Variants in FSTL5 observed in about 807,000 individuals in gnomAD.
FSTL5 encodes follistatin-related protein 5.
In FSTL5, 62 loss-of-function variants were observed where a neutral mutation model predicts 89.1. That is an observed-to-expected ratio of 0.70 (90% CI 0.57 to 0.86). The LOEUF (loss-of-function observed/expected upper bound fraction) is 0.86. Ranked by LOEUF, FSTL5 falls within the 40% of genes least tolerant of loss-of-function variation. FSTL5 has a pLI of 0.00. For missense variants in FSTL5, 1,057 were observed against 1,001.6 expected, an observed-to-expected ratio of 1.06 and a Z score of -0.75; for synonymous variants, 383 against 346.2, an observed-to-expected ratio of 1.11 and a Z score of -1.18.
At chr4:161,711,593 C>A (rs938155373) in intron 6 of FSTL5, among the ~76,000 whole-genome samples, 1 of 151,962 alleles carries the variant, frequency 6.6e-6, no homozygotes, top group Admixed American at 6.6e-5. Flanking sequence ...AGAATTAACA[C>A]CAATTCTTTA....
rs548646548 is a variant in FSTL5 at position 161,871,808 on chromosome 4, A to C, written c.409+48596T>G. Among the ~76,000 whole-genome samples the C allele has an allele frequency of 1.1e-4, 16 of 152,212 alleles. No individual in the cohort carries two copies. The South Asian group carries it at 2.9e-3, about 28-fold the overall frequency. ...AGCTCCTGCATCTATTAACTGTGTG[A>C]CTTTGGGCAGGGAATAAATTTTACC... On this transcript the variant is annotated intron_variant, in intron 4 of 15. Transcript: ENST00000306100.
At chr4:161,761,872 A>T (rs775744649) in intron 5 of FSTL5, among the ~76,000 whole-genome samples, 9 of 152,136 alleles carry the variant, frequency 5.9e-5, no homozygotes, top group Non-Finnish European at 1.3e-4. Context: ...TTGCTCTTTT[A>T]TCTCATTTAA....
chr4:162,126,290 C>T (rs1396615009), intron 1 of FSTL5, among the ~76,000 whole-genome samples: 1 of 151,796 alleles, frequency 6.6e-6, no homozygotes, highest in East Asian at 1.9e-4. Flanking sequence ...TTTGACTAGC[C>T]CTTAATATTA....
chr4:162,132,189 G>A (rs1437913059), intron 1 of FSTL5, among the ~76,000 whole-genome samples: 1 of 152,166 alleles, frequency 6.6e-6, no homozygotes, highest in Non-Finnish European at 1.5e-5. Context: ...AAGTTTAGGT[G>A]TTCTCTACTT....
intron 7 of FSTL5, among the ~76,000 whole-genome samples, chr4:161,647,918 G>T (rs928019554): frequency 1.3e-5 from 2 of 152,166 alleles, no homozygotes; most frequent in African/African-American, 4.8e-5. Flanking sequence ...GCTGGACGTC[G>T]AGAGGAACAC....
chr4:161,978,295 T>C lies in FSTL5; in HGVS notation c.160+55330A>G, dbSNP rs17041811. 9.9e-3 allele frequency among the ~76,000 whole-genome samples: 1,512 copies of C among 152,258 alleles called. 22 individuals are homozygous for C. The highest frequency in any genetic ancestry group is 0.034 in the African/African-American group (1,413 of 41,550). On this transcript the variant is annotated intron_variant, in intron 3 of 15. Transcript: ENST00000306100. ...ACTAATTGATTATAAGGTATTGATG[T>C]TTTCTAAAATGTTAAAATAACTTCA...
At chr4:161,536,393 G>A (rs1407593905) in intron 10 of FSTL5, among the ~76,000 whole-genome samples, 1 of 151,924 alleles carries the variant, frequency 6.6e-6, no homozygotes, top group Non-Finnish European at 1.5e-5. Context: ...GTTACAAAAG[G>A]CAGTAATTTT....
At chr4:161,411,556 A>C (rs1202780109) in intron 15 of FSTL5, among the ~76,000 whole-genome samples, 1 of 152,188 alleles carries the variant, frequency 6.6e-6, no homozygotes. Flanking sequence ...TAAGTGATAT[A>C]CTGCATAAAC....
At chr4:161,579,693 G>A (rs1323259292) in intron 8 of FSTL5, among the ~76,000 whole-genome samples, 18 of 148,744 alleles carry the variant, frequency 1.2e-4, no homozygotes, top group African/African-American at 4.2e-4. Context: ...CTCCAGCCTG[G>A]GCGATGGCGC....
chr4:161,564,503 TTTAA>T (rs1271600523), intron 8 of FSTL5, among the ~76,000 whole-genome samples: 63 of 148,354 alleles, frequency 4.2e-4, no homozygotes, highest in South Asian at 1.7e-3. Flanking sequence ...ATATAATTTA[TTTAA>T]TTAACTCATA....
intron 4 of FSTL5, among the ~76,000 whole-genome samples, chr4:161,901,079 A>C (rs1186760830): frequency 2.0e-5 from 3 of 151,892 alleles, no homozygotes; most frequent in African/African-American, 2.4e-5. Context: ...TTGTTTATTC[A>C]CTCATACATC....
chr4:161,906,308 T>A (rs1733526106), intron 4 of FSTL5, among the ~76,000 whole-genome samples: 1 of 152,094 alleles, frequency 6.6e-6, no homozygotes, highest in South Asian at 2.1e-4. Context: ...ACGGCACCAT[T>A]GGAATGACCA....
chr4:161,447,704 A>G (rs1732994286), intron 15 of FSTL5, among the ~76,000 whole-genome samples: 1 of 152,168 alleles, frequency 6.6e-6, no homozygotes, highest in Admixed American at 6.5e-5. Context: ...AGAGAGTGGC[A>G]TTATAGATCA....
At chr4:161,673,832 A>G (rs1246431859) in intron 6 of FSTL5, among the ~76,000 whole-genome samples, 1 of 151,944 alleles carries the variant, frequency 6.6e-6, no homozygotes, top group Non-Finnish European at 1.5e-5. Flanking sequence ...TAGTAATACA[A>G]ATGCTTAAAA....
chr4:161,625,372 C>T (rs1037569856), intron 7 of FSTL5, among the ~76,000 whole-genome samples: 8 of 152,044 alleles, frequency 5.3e-5, no homozygotes, highest in African/African-American at 1.9e-4. Context: ...ATATCTCCAA[C>T]TTTTTTGTTA....
At chr4:161,473,342 T>C (rs1018238754) in intron 13 of FSTL5, among the ~76,000 whole-genome samples, 2 of 152,332 alleles carry the variant, frequency 1.3e-5, no homozygotes, top group East Asian at 1.9e-4. Flanking sequence ...ACTATATGAA[T>C]GTTTATAATT....
intron 5 of FSTL5, among the ~76,000 whole-genome samples, chr4:161,761,551 T>C (rs1382725789): frequency 6.6e-6 from 1 of 152,224 alleles, no homozygotes; most frequent in African/African-American, 2.4e-5. Context: ...CTTTTGTCAT[T>C]TTCTGTCTCA....
chr4:161,977,577 C>T (rs188574901), intron 3 of FSTL5, among the ~76,000 whole-genome samples: 42 of 140,600 alleles, frequency 3.0e-4, no homozygotes, highest in African/African-American at 9.2e-4. Flanking sequence ...CACGCCACTG[C>T]ACTCCAGCCT....
intron 6 of FSTL5, among the ~76,000 whole-genome samples, chr4:161,670,823 C>A (rs1737075111): frequency 6.6e-6 from 1 of 152,164 alleles, no homozygotes; most frequent in Admixed American, 6.5e-5. Context: ...TTTAACAATT[C>A]ATCCAGAATT....
Sources: allele counts gnomAD v4.1 joint callset (sites outside exome capture counted in the v4.1 genomes callset), GRCh38; gene constraint gnomAD v4.1.1; transcripts MANE v1.5; gene names NCBI Gene and HGNC (gene_info 2026-07-23, HGNC 2026-07-21).